DNAH17: variants seen among roughly 807,000 people sequenced by gnomAD.
DNAH17 encodes dynein axonemal heavy chain 17.
In DNAH17, 376 loss-of-function variants were observed where a neutral mutation model predicts 485.6. The ratio of observed to expected loss-of-function variants is 0.77; its 90% confidence interval spans 0.71 to 0.84. The LOEUF (loss-of-function observed/expected upper bound fraction) is 0.84, where lower values mean the gene tolerates loss of function less well. Among genes scored for constraint, DNAH17 ranks in the 40% least tolerant of loss-of-function variants. The pLI is 0.00. For synonymous variants in DNAH17, 3,031 were observed against 2,405.9 expected (o/e 1.26, Z -7.60); for missense variants, 6,370 against 5,839.3 (o/e 1.09, Z -2.96).
At chr17:78,570,880 A>AT in intron 6 of DNAH17, 68 bp downstream of exon 6, 1 of 810,186 alleles carries the variant, frequency 1.2e-6, no homozygotes, top group Non-Finnish European at 1.8e-6. Flanking sequence ...AAAAAAAAAG[A>AT]AAAAAGAAAA....
rs192335582 is a variant in DNAH17, at chr17:78,484,422, C to T, written c.7649+446G>A. Among the ~76,000 whole-genome samples, 453 of 152,272 alleles carry T rather than the reference C, an allele frequency of 3.0e-3. 14 individuals carry two copies. The highest frequency in any genetic ancestry group is 0.026 in the Admixed American group (402 of 15,302). On this transcript the variant is annotated intron_variant, in intron 48 of 80. Coordinates refer to ENST00000389840, the MANE Select transcript of DNAH17 (RefSeq NM_173628.4). ...CTGCCAGCTTCCAGCTGTGCACCATCTCCCCAGGGGCATCTCTCTGCTGGG... is the reference window on the plus strand; with the variant it reads ...CTGCCAGCTTCCAGCTGTGCACCATTTCCCCAGGGGCATCTCTCTGCTGGG...
chr17:78,551,541 A>G lies in DNAH17; in HGVS notation c.2385T>C (p.Ala795=), dbSNP rs375068292. 6.4e-5 allele frequency: 103 copies of G among 1,613,982 alleles called. No homozygotes were observed. In the Middle Eastern group the frequency reaches 3.3e-3, roughly 52 times the overall value. ...AKQNIEGISQ[A]MKDWSANPLF... ...TGCTCTGCCCCTTGCTTACCTTCAT[A>G]GCCTGGGAAATTCCTTCTATATTTT... The change falls in exon 16 of 81, where the codon GCT becomes GCC. Residue 795 remains alanine, a synonymous_variant. Coordinates refer to ENST00000389840, the MANE Select transcript of DNAH17 (RefSeq NM_173628.4).
At chr17:78,502,771 G>A (rs1214120254) in intron 32 of DNAH17, 73 bp from the exon 33 acceptor site, 2 of 1,591,474 alleles carry the variant, frequency 1.3e-6, no homozygotes, top group Non-Finnish European at 1.7e-6. Flanking sequence ...CATTCCTGCT[G>A]AAAGCTTAGA....
Position 78,458,618 on chromosome 17 carries a change from G to T in DNAH17, c.9924C>A (p.Ile3308=). 2 of 1,614,020 alleles carry T rather than the reference G, an allele frequency of 1.2e-6. No individual in the cohort carries two copies. The highest frequency in any genetic ancestry group is 2.2e-5 in the South Asian group (2 of 91,074). ...TGGCATCGGCCTCTTGCTGACACTT[G>T]ATTTTCTCAGCTGTTGCTTTTTCAA... The part of the protein sequence containing the change: ...SAFEKATAEK[I]KCQQEADATN... Residue 3308 remains isoleucine (I), a synonymous_variant, in exon 62 of 81, where the codon ATC becomes ATA. Transcript: ENST00000389840.
At chr17:78,444,082 A>G (rs942841937) in intron 71 of DNAH17, among the ~76,000 whole-genome samples, 1 of 152,206 alleles carries the variant, frequency 6.6e-6, no homozygotes, top group Admixed American at 6.5e-5. Flanking sequence ...CAAACTAGCC[A>G]TACTAATATA....
intron 26 of DNAH17, chr17:78,510,738 G>A: frequency 2.3e-6 from 1 of 427,108 alleles, no homozygotes; most frequent in Non-Finnish European, 4.0e-6. Context: ...CACCTGCACT[G>A]GGCGGAATTG....
At chr17:78,567,765 C>T (rs542970442) in intron 9 of DNAH17, among the ~76,000 whole-genome samples, 2 of 152,226 alleles carry the variant, frequency 1.3e-5, no homozygotes, top group East Asian at 3.9e-4. Context: ...TCCCAGGGGC[C>T]CGGTCTCCCA....
At chr17:78,557,413 T>C (rs1321257773) in intron 14 of DNAH17, among the ~76,000 whole-genome samples, 1 of 151,524 alleles carries the variant, frequency 6.6e-6, no homozygotes, top group African/African-American at 2.4e-5. Flanking sequence ...AGGTCAAGAG[T>C]TCGAGACCAG....
At chr17:78,458,774 C>T (rs1040903142) in intron 61 of DNAH17, 94 bp from the exon 62 acceptor site, 28 of 1,231,288 alleles carry the variant, frequency 2.3e-5, no homozygotes, top group East Asian at 2.1e-4. Context: ...GAGCGCTGAG[C>T]GTGGAAGAGG....
At chr17:78,477,966 CCACCACCAT>C (rs2089122060) in intron 51 of DNAH17, among the ~76,000 whole-genome samples, 1 of 135,710 alleles carries the variant, frequency 7.4e-6, no homozygotes, top group African/African-American at 3.5e-5. Context: ...TCCACCATCA[CCACCACCAT>C]CATCATCACC....
chr17:78,575,200 G>C (rs373366987), intron 1 of DNAH17, 118 bp from the exon 2 acceptor site: 1 of 756,298 alleles, frequency 1.3e-6, no homozygotes, highest in Non-Finnish European at 2.1e-6. Context: ...ACAGTTGGTC[G>C]AGAGTGTGCA....
rs114226920 is a variant in DNAH17, at chr17:78,535,042, G to A, written c.2859+2257C>T. Among the ~76,000 whole-genome samples, 760 of 152,222 alleles carry A rather than the reference G, an allele frequency of 5.0e-3. 8 individuals are homozygous for A. The highest frequency in any genetic ancestry group is 0.017 in the African/African-American group (721 of 41,540). On this transcript the variant is annotated intron_variant, in intron 19 of 80. Transcript: ENST00000389840. ...GACTCTGCTAGACCAGCAGGCTTTC[G>A]AGGGACCCTTCTCCTGGGCAACAGG...
At chr17:78,449,163 A>G (rs1050261035) in intron 69 of DNAH17, among the ~76,000 whole-genome samples, 2 of 152,156 alleles carry the variant, frequency 1.3e-5, no homozygotes, top group South Asian at 2.1e-4. Context: ...TTCTCCTTAA[A>G]ACACCACCCC....
At chr17:78,438,553 A>C (rs1314147527) in intron 73 of DNAH17, among the ~76,000 whole-genome samples, 2 of 143,772 alleles carry the variant, frequency 1.4e-5, no homozygotes, top group Admixed American at 7.2e-5. Flanking sequence ...GCTGGAGTGC[A>C]GTGGTGCACT....
chr17:78,491,660 AG>A, intron 42 of DNAH17, 90 bp from the exon 43 acceptor site: 1 of 1,506,546 alleles, frequency 6.6e-7, no homozygotes, highest in South Asian at 1.3e-5. Context: ...TCTCTCTGGG[AG>A]GGAGCCTGTC....
At chr17:78,547,198 C>G (rs766586902) in intron 16 of DNAH17, among the ~76,000 whole-genome samples, 3 of 152,162 alleles carry the variant, frequency 2.0e-5, no homozygotes, top group Non-Finnish European at 2.9e-5. Flanking sequence ...CCTTGGTACT[C>G]TAGAATGTGG....
chr17:78,444,909 G>A (rs2087217009), intron 70 of DNAH17, 112 bp from the exon 71 acceptor site: 1 of 1,126,928 alleles, frequency 8.9e-7, no homozygotes, highest in Non-Finnish European at 1.2e-6. Flanking sequence ...AGGAAACCGG[G>A]GCTCTGGGAT....
rs193153884 is a variant in DNAH17 at position 78,527,500 on chromosome 17, A to G, written c.3508-504T>C. 7.8e-4 allele frequency among the ~76,000 whole-genome samples: 118 copies of G among 152,048 alleles called. 1 individual carries two copies. The highest frequency in any genetic ancestry group is 2.4e-3 in the African/African-American group (101 of 41,534). ...ACCTTTCATCATGTTTTTAAACCTG[A>G]ATCCATTTGTGGGTGTGGGTGTGGG... On this transcript the variant is annotated intron_variant, in intron 22 of 80. Coordinates refer to ENST00000389840, the MANE Select transcript of DNAH17 (RefSeq NM_173628.4).
chr17:78,566,532 G>A (rs939355640), intron 11 of DNAH17, 82 bp downstream of exon 11: 2 of 1,011,460 alleles, frequency 2.0e-6, no homozygotes, highest in African/African-American at 1.6e-5. Context: ...AGGATGAAAT[G>A]GTCTCCAAGA....
Sources: allele counts gnomAD v4.1 joint callset (sites outside exome capture counted in the v4.1 genomes callset), GRCh38; gene constraint gnomAD v4.1.1; transcripts MANE v1.5; gene names NCBI Gene and HGNC (gene_info 2026-07-23, HGNC 2026-07-21).